Variants in OGFOD3 observed in about 807,000 individuals in gnomAD.
OGFOD3 encodes 2-oxoglutarate and iron dependent oxygenase domain containing 3.
In OGFOD3, 35 loss-of-function variants were observed where a neutral mutation model predicts 39.8. That is an observed-to-expected ratio of 0.88 (90% CI 0.67 to 1.17). The LOEUF (loss-of-function observed/expected upper bound fraction) is 1.17, where lower values mean the gene tolerates loss of function less well. Ranked by LOEUF, OGFOD3 falls within the 50% of genes most tolerant of loss-of-function variation. OGFOD3 has a pLI of 0.00. For synonymous variants in OGFOD3, 200 were observed against 192.0 expected, an observed-to-expected ratio of 1.04 and a Z score of -0.34; for missense variants, 438 against 454.5, an observed-to-expected ratio of 0.96 and a Z score of 0.33.
chr17:82,414,056 T>C (rs2052995887), intron 2 of OGFOD3, among the ~76,000 whole-genome samples: 1 of 152,112 alleles, frequency 6.6e-6, no homozygotes, highest in Middle Eastern at 3.2e-3. Context: ...CTCCAGAACT[T>C]TTCCACCTCC....
chr17:82,401,074 G>C (rs1223993981), intron 7 of OGFOD3: 1 of 152,210 alleles, frequency 6.6e-6, no homozygotes, highest in East Asian at 1.9e-4. Flanking sequence ...CAGCCCGAGA[G>C]GGAGAGAGGA....
At chr17:82,410,048 A>G (rs1343950862) in intron 3 of OGFOD3, among the ~76,000 whole-genome samples, 1 of 152,218 alleles carries the variant, frequency 6.6e-6, no homozygotes, top group Non-Finnish European at 1.5e-5. Flanking sequence ...CTGGAACCCC[A>G]GGCAGGTGGG....
At position 82,392,231 on chromosome 17, in the gene OGFOD3, C is replaced by A; in HGVS notation, c.*167G>T. The A allele has an allele frequency of 1.3e-6, 1 of 768,036 alleles. No homozygotes were observed. Among genetic ancestry groups the A allele is most frequent in the Non-Finnish European group, 2.0e-6 (1 of 488,188 alleles). 47.6% of individuals were successfully genotyped at this position (768,036 alleles called of 1,614,324 possible). On this transcript the variant is annotated 3_prime_UTR_variant, in exon 9 of 9. Coordinates refer to ENST00000313056, the MANE Select transcript of OGFOD3 (RefSeq NM_024648.3). The surrounding 1 kb of genome is among the most constrained non-coding windows in gnomAD (Gnocchi z 4.2). The stretch of plus-strand genomic sequence containing the variant: ...ATGCTGGAGAAGTGAAAAGCTGGTT[C>A]CCTTCATTTACTCACAGATGAAAAG...
intron 7 of OGFOD3, among the ~76,000 whole-genome samples, chr17:82,399,177 C>T (rs2052725150): frequency 6.6e-6 from 1 of 152,180 alleles, no homozygotes; most frequent in Admixed American, 6.5e-5. Flanking sequence ...ATGTGTCGGC[C>T]CCATTAATGA....
At chr17:82,400,183 C>G (rs2052739255) in intron 7 of OGFOD3, among the ~76,000 whole-genome samples, 1 of 152,192 alleles carries the variant, frequency 6.6e-6, no homozygotes, top group Non-Finnish European at 1.5e-5. Context: ...AGGTGGTGCC[C>G]TGGGCGGTGG....
intron 7 of OGFOD3, among the ~76,000 whole-genome samples, chr17:82,398,643 C>A (rs2052716149): frequency 6.6e-6 from 1 of 152,100 alleles, no homozygotes; most frequent in Non-Finnish European, 1.5e-5. Flanking sequence ...AGGTGATCCA[C>A]CCACCTTGGC....
chr17:82,418,080 G>C (rs1217208893), intron 1 of OGFOD3, among the ~76,000 whole-genome samples: 1 of 152,220 alleles, frequency 6.6e-6, no homozygotes, highest in African/African-American at 2.4e-5. Flanking sequence ...GCTGCTGGGT[G>C]GGTTATTCCA....
chr17:82,396,051 G>C (rs919581406), intron 8 of OGFOD3, among the ~76,000 whole-genome samples: 2 of 151,184 alleles, frequency 1.3e-5, no homozygotes, highest in Non-Finnish European at 2.9e-5. Flanking sequence ...TAAACACATA[G>C]ATAACACACA....
intron 8 of OGFOD3, among the ~76,000 whole-genome samples, chr17:82,395,327 G>A (rs1403930430): frequency 6.6e-6 from 1 of 152,108 alleles, no homozygotes; most frequent in Non-Finnish European, 1.5e-5. Context: ...CGCCCCACCT[G>A]GCCCCCTTGG....
At chr17:82,399,492 T>C (rs1378571337) in intron 7 of OGFOD3, among the ~76,000 whole-genome samples, 1 of 152,248 alleles carries the variant, frequency 6.6e-6, no homozygotes, top group Non-Finnish European at 1.5e-5. Flanking sequence ...AGCTTAACTG[T>C]GTCTTCACTG....
intron 8 of OGFOD3, among the ~76,000 whole-genome samples, chr17:82,394,842 G>C (rs1409367121): frequency 1.3e-5 from 2 of 152,144 alleles, no homozygotes; most frequent in African/African-American, 4.8e-5. Flanking sequence ...CAGCCCCCCA[G>C]TAAAAACCCT....
Position 82,394,354 on chromosome 17 carries a change from G to A in OGFOD3, c.824-1820C>T, listed in dbSNP as rs2052637480. 5 of 1,572,658 alleles carry A rather than the reference G, an allele frequency of 3.2e-6. No individual in the cohort carries two copies. In the South Asian group the frequency reaches 3.5e-5, roughly 11 times the overall value. On this transcript the variant is annotated intron_variant, in intron 8 of 8. Transcript: ENST00000313056. The stretch of plus-strand genomic sequence containing the variant: ...ACCTGCTTCCTTAAAGCAGGACTCA[G>A]CACGGCAACCAAGGAATCAACAATA...
In OGFOD3 at chr17:82,398,242, G is replaced by T. The variant is rs745633776; in HGVS notation, c.777C>A (p.Phe259Leu). Reference sequence around the variant, plus strand: ...TGTTGGCACCCTCCTCCATGAACATGAACCGCCCTCCGCCGAAGTCCTCCA... The same window carrying T: ...TGTTGGCACCCTCCTCCATGAACATTAACCGCCCTCCGCCGAAGTCCTCCA... ...NYLEDFGGGR[F>L]MFMEEGANKT... Residue 259 changes from phenylalanine to leucine, a missense_variant, in exon 8 of 9, where the codon TTC becomes TTA. By Grantham distance (22) the Phe-to-Leu change is conservative. Coordinates refer to ENST00000313056, the MANE Select transcript of OGFOD3 (RefSeq NM_024648.3). 6.2e-7 allele frequency: 1 copy of T among 1,614,096 alleles called. No individual in the cohort carries two copies. The highest frequency in any genetic ancestry group is 1.1e-5 in the South Asian group (1 of 91,084).
chr17:82,396,346 T>TCAGA (rs749189356), intron 8 of OGFOD3, among the ~76,000 whole-genome samples: 1,265 of 77,478 alleles, frequency 0.016, 2 homozygotes, highest in South Asian at 0.024. Flanking sequence ...ATACACACAA[T>TCAGA]TAGATGTACG....
intron 8 of OGFOD3, among the ~76,000 whole-genome samples, chr17:82,395,931 A>G (rs1407843923): frequency 6.6e-6 from 1 of 152,194 alleles, no homozygotes; most frequent in East Asian, 1.9e-4. Flanking sequence ...TAGATGTATG[A>G]CATCAATCAC....
At position 82,404,418 on chromosome 17, in the gene OGFOD3, G is replaced by A. The variant is rs942621919; in HGVS notation, c.546-328C>T. ...CTCCAGGCTTCACTTGCAGGGCCTGGAGCCCAGCCTCCTATTCAGCAACGA... is the reference window on the plus strand; with the variant it reads ...CTCCAGGCTTCACTTGCAGGGCCTGAAGCCCAGCCTCCTATTCAGCAACGA... On this transcript the variant is annotated intron_variant, in intron 6 of 8. Transcript: ENST00000313056. This position sits in a 1 kb window ranked among gnomAD's most constrained non-coding sequence, Gnocchi z 4.5. Among the ~76,000 whole-genome samples the A allele has an allele frequency of 1.7e-4, 26 of 152,202 alleles. No homozygotes were observed. The highest frequency in any genetic ancestry group is 6.0e-4 in the African/African-American group (25 of 41,458).
At chr17:82,400,871 T>G (rs2052752405) in intron 7 of OGFOD3, 1 of 152,136 alleles carries the variant, frequency 6.6e-6, no homozygotes, top group African/African-American at 2.4e-5. Flanking sequence ...ACACTGATCT[T>G]CAGACGCCAC....
At chr17:82,407,440 G>A (rs888592215) in intron 4 of OGFOD3, among the ~76,000 whole-genome samples, 1 of 152,322 alleles carries the variant, frequency 6.6e-6, no homozygotes, top group East Asian at 1.9e-4. Flanking sequence ...GCCTCACAGC[G>A]GTGCTCCCAC....
chr17:82,411,329 G>A (rs2052938869), intron 3 of OGFOD3, 126 bp downstream of exon 3: 18 of 822,988 alleles, frequency 2.2e-5, no homozygotes, highest in Non-Finnish European at 3.3e-5. Flanking sequence ...TTACAGGCGT[G>A]AGCCACCACG....
Sources: allele counts gnomAD v4.1 joint callset (sites outside exome capture counted in the v4.1 genomes callset), GRCh38; gene constraint gnomAD v4.1.1; non-coding constraint Gnocchi (gnomAD v3.1); transcripts MANE v1.5; gene names NCBI Gene and HGNC (gene_info 2026-07-23, HGNC 2026-07-21).